SYTL2: variants seen among roughly 807,000 people sequenced by gnomAD.
SYTL2 encodes synaptotagmin-like protein 2.
In SYTL2, 165 loss-of-function variants were observed where a neutral mutation model predicts 198.7. The observed-to-expected ratio is 0.83, with a 90% confidence interval of 0.73 to 0.94. The LOEUF (loss-of-function observed/expected upper bound fraction) is 0.94, where lower values mean the gene tolerates loss of function less well. Ranked by LOEUF, SYTL2 falls within the 40% of genes least tolerant of loss-of-function variation. The pLI is 0.00. For missense variants in SYTL2, 2,835 were observed against 2,582.8 expected, an observed-to-expected ratio of 1.10 and a Z score of -2.12; for synonymous variants, 966 against 917.7, an observed-to-expected ratio of 1.05 and a Z score of -0.95.
the SYTL2 span, among the ~76,000 whole-genome samples, chr11:85,846,809 C>T: frequency 6.6e-6 from 1 of 150,586 alleles, no homozygotes; most frequent in Non-Finnish European, 1.5e-5. Context: ...TCTCGCCTCA[C>T]TGCAACCTCC....
chr11:85,722,721 A>G (rs956949235), intron 8 of SYTL2, among the ~76,000 whole-genome samples: 2 of 151,894 alleles, frequency 1.3e-5, no homozygotes, highest in Non-Finnish European at 2.9e-5. Flanking sequence ...TATTTACTTT[A>G]GAGATTAAAT....
chr11:85,759,146 T>C (rs1466916336), intron 1 of SYTL2, among the ~76,000 whole-genome samples: 1 of 150,188 alleles, frequency 6.7e-6, no homozygotes, highest in Non-Finnish European at 1.5e-5. Context: ...CTCAGGAGGC[T>C]GAGGCAGGAG....
the SYTL2 span, among the ~76,000 whole-genome samples, chr11:85,816,294 C>A: frequency 6.6e-6 from 1 of 152,206 alleles, no homozygotes; most frequent in South Asian, 2.1e-4. Context: ...TGACTGTCAA[C>A]ATTACACTTT....
At chr11:85,709,060 G>T (rs1379260714) in intron 14 of SYTL2, among the ~76,000 whole-genome samples, 1 of 151,764 alleles carries the variant, frequency 6.6e-6, no homozygotes, top group Non-Finnish European at 1.5e-5. Context: ...GGATGGTCTC[G>T]ATCTCCTGAC....
In SYTL2 at chr11:85,727,950, C is replaced by T. The variant is rs750654378; in HGVS notation, c.1408G>A (p.Val470Ile). 1 of 1,595,556 alleles carries T rather than the reference C, an allele frequency of 6.3e-7. No individual in the cohort carries two copies. The highest frequency in any genetic ancestry group is 1.1e-5 in the South Asian group (1 of 87,744). Reference sequence around the variant, plus strand: ...GGCACCTGAGATGGCTCAGGCTCAACACAATGAGACAGTTCATCTGCAACA... The same window carrying T: ...GGCACCTGAGATGGCTCAGGCTCAATACAATGAGACAGTTCATCTGCAACA... ...RSPADELSHC[V>I]EPEPSQVPGG... Residue 470 changes from valine to isoleucine, a missense_variant, in exon 8 of 20, where the codon GTT becomes ATT. Around this residue, in one of 3 missense-constraint regions of SYTL2, gnomAD observed 2,645 missense variants for 2,381.7 expected, o/e 1.11. Coordinates refer to ENST00000359152, the MANE Select transcript of SYTL2 (RefSeq NM_206927.4).
intron 1 of SYTL2, among the ~76,000 whole-genome samples, chr11:85,772,470 T>C (rs1406846795): frequency 6.6e-6 from 1 of 152,236 alleles, no homozygotes; most frequent in Non-Finnish European, 1.5e-5. Context: ...TGCTATTACA[T>C]GGTAGTTACA....
At chr11:85,748,123 C>T in intron 3 of SYTL2, 149 bp downstream of exon 3, 2 of 932,494 alleles carry the variant, frequency 2.1e-6, no homozygotes, top group Non-Finnish European at 3.2e-6. Flanking sequence ...AAATCCAAGG[C>T]AAGGGAAATT....
At chr11:85,820,237 A>G in the SYTL2 span, among the ~76,000 whole-genome samples, 1 of 152,236 alleles carries the variant, frequency 6.6e-6, no homozygotes, top group African/African-American at 2.4e-5. Flanking sequence ...TAAATACTAA[A>G]TTTTTAAAAA....
intron 11 of SYTL2, chr11:85,714,752 A>G: frequency 9.5e-7 from 1 of 1,048,742 alleles, no homozygotes; most frequent in Non-Finnish European, 1.2e-6. Flanking sequence ...TAAAAACATT[A>G]GTTTTTATTG....
At chr11:85,789,605 C>T (rs1451677427) in intron 1 of SYTL2, among the ~76,000 whole-genome samples, 2 of 151,514 alleles carry the variant, frequency 1.3e-5, no homozygotes, top group African/African-American at 2.4e-5. Context: ...ATAGCATATA[C>T]TTATTAGGTA....
chr11:85,741,210 C>T (rs1002776021), intron 4 of SYTL2, among the ~76,000 whole-genome samples: 2 of 152,018 alleles, frequency 1.3e-5, no homozygotes, highest in African/African-American at 4.8e-5. Context: ...ATCCCCAGCA[C>T]CCAGAACTGT....
At chr11:85,774,772 G>T (rs563351998) in intron 1 of SYTL2, among the ~76,000 whole-genome samples, 370 of 152,274 alleles carry the variant, frequency 2.4e-3, no homozygotes, top group Admixed American at 3.1e-3. Flanking sequence ...GAGCTTTATA[G>T]TATTAATCAA....
At chr11:85,820,444 A>C in the SYTL2 span, among the ~76,000 whole-genome samples, 12 of 152,210 alleles carry the variant, frequency 7.9e-5, no homozygotes, top group African/African-American at 2.9e-4. Context: ...GAAGACATTT[A>C]ATACCCAGAA....
chr11:85,708,329 T>C (rs1430607914), intron 14 of SYTL2, among the ~76,000 whole-genome samples: 1 of 152,076 alleles, frequency 6.6e-6, no homozygotes. Context: ...TTATCTTCAA[T>C]GTTAAAAAAA....
At position 85,711,001 on chromosome 11, in the gene SYTL2, T is replaced by C. The variant is rs1393144756; in HGVS notation, c.5745+112A>G. On this transcript the variant is annotated intron_variant, in intron 13 of 19. Coordinates refer to ENST00000359152, the MANE Select transcript of SYTL2 (RefSeq NM_206927.4). ...GAAGCTAATTATGGATTAGAGAAAC[T>C]GTTTGTGCCCTGAGAAATACAGGAG... 7.6e-6 allele frequency: 9 copies of C among 1,183,508 alleles called. No homozygotes were observed. The East Asian group carries it at 2.0e-4, about 26-fold the overall frequency. 73.3% of individuals were successfully genotyped at this position (1,183,508 alleles called of 1,614,324 possible).
At chr11:85,745,532 T>G (rs1169594258) in intron 4 of SYTL2, 105 bp downstream of exon 4, 1 of 1,318,470 alleles carries the variant, frequency 7.6e-7, no homozygotes, top group Non-Finnish European at 1.0e-6. Context: ...CCCATGCCCA[T>G]GACCCCAGTC....
chr11:85,742,860 T>G (rs2090902813), intron 4 of SYTL2, among the ~76,000 whole-genome samples: 1 of 152,186 alleles, frequency 6.6e-6, no homozygotes, highest in Non-Finnish European at 1.5e-5. Context: ...GTTTTCCTTT[T>G]GCTACTCCAG....
chr11:85,816,612 T>G, the SYTL2 span, among the ~76,000 whole-genome samples: 1 of 152,166 alleles, frequency 6.6e-6, no homozygotes, highest in Non-Finnish European at 1.5e-5. Context: ...ACTGTACATT[T>G]ATAAATGGTT....
rs2087736302 is a variant in SYTL2 at position 85,718,517 on chromosome 11, T to C, written c.5482+273A>G. The C allele has an allele frequency of 9.7e-6, 4 of 412,648 alleles. No individual in the cohort carries two copies. The South Asian group carries it at 1.1e-4, about 11-fold the overall frequency. 25.6% of individuals were successfully genotyped at this position (412,648 alleles called of 1,614,324 possible). ...TCAGAGTAGCAAAAATCAGCTCACA[T>C]CCAAAGAAATACAATTTTCTATTTA... On this transcript the variant is annotated intron_variant, in intron 10 of 19. Coordinates refer to ENST00000359152, the MANE Select transcript of SYTL2 (RefSeq NM_206927.4).
Sources: allele counts gnomAD v4.1 joint callset (sites outside exome capture counted in the v4.1 genomes callset), GRCh38; gene constraint gnomAD v4.1.1; regional missense constraint gnomAD v4.1.1; transcripts MANE v1.5; gene names NCBI Gene and HGNC (gene_info 2026-07-23, HGNC 2026-07-21).